CNTN5: variants seen among roughly 807,000 people sequenced by gnomAD.
CNTN5 encodes contactin 5, also known as contactin-5.
In CNTN5, 77 loss-of-function variants were observed where a neutral mutation model predicts 129.1. The ratio of observed to expected loss-of-function variants is 0.60; its 90% CI spans 0.50 to 0.72. The LOEUF (loss-of-function observed/expected upper bound fraction) is 0.72. Ranked by LOEUF, CNTN5 falls within the 30% of genes least tolerant of loss-of-function variation. The probability of loss-of-function intolerance (pLI) is 0.00; values close to 1 mark genes in which losing one functional copy is unlikely to be tolerated. For synonymous variants in CNTN5, 509 were observed against 465.6 expected, an observed-to-expected ratio of 1.09 and a Z score of -1.20; for missense variants, 1,478 against 1,328.8, an observed-to-expected ratio of 1.11 and a Z score of -1.75.
chr11:99,243,347 T>C (rs1196877599), intron 1 of CNTN5, among the ~76,000 whole-genome samples: 1 of 152,118 alleles, frequency 6.6e-6, no homozygotes, highest in Non-Finnish European at 1.5e-5. Flanking sequence ...ACTTATAGGT[T>C]CTGGATATTA....
chr11:99,815,404 G>A (rs1946555038), intron 3 of CNTN5, among the ~76,000 whole-genome samples: 1 of 152,078 alleles, frequency 6.6e-6, no homozygotes, highest in Non-Finnish European at 1.5e-5. Context: ...ATAGAAAAGG[G>A]CTGGGCAGCT....
At chr11:99,306,294 T>C (rs1347916918) in intron 1 of CNTN5, among the ~76,000 whole-genome samples, 1 of 152,168 alleles carries the variant, frequency 6.6e-6, no homozygotes. Context: ...ACTTATCAAA[T>C]AGGAGCTTCA....
rs1356796648 is a variant in CNTN5 at position 100,289,999 on chromosome 11, A to ATTC, written c.2315-7625_2315-7623dup. 5.2e-3 allele frequency among the ~76,000 whole-genome samples: 787 copies of ATTC among 151,108 alleles called. 8 individuals carry two copies. Among genetic ancestry groups the ATTC allele is most frequent in the African/African-American group, 0.018 (738 of 41,112 alleles). ...AGAGCCAAATCATGAGTGAACTCCC[A>ATTC]TTCACAATTGCTTCAAAGAGAATAA... is the stretch of plus-strand genomic sequence containing the variant. On this transcript the variant is annotated intron_variant, in intron 18 of 24. Transcript: ENST00000524871.
At chr11:99,319,434 G>A (rs1865472121) in intron 1 of CNTN5, among the ~76,000 whole-genome samples, 1 of 152,068 alleles carries the variant, frequency 6.6e-6, no homozygotes, top group African/African-American at 2.4e-5. Context: ...TGGGCTGGAT[G>A]CCCTTCCTGT....
At chr11:99,703,607 A>G (rs951558092) in intron 3 of CNTN5, among the ~76,000 whole-genome samples, 3 of 150,930 alleles carry the variant, frequency 2.0e-5, no homozygotes, top group African/African-American at 2.4e-5. Context: ...TAAGAAGTGC[A>G]CCTAAATTTA....
intron 2 of CNTN5, among the ~76,000 whole-genome samples, chr11:99,453,746 A>G (rs1297956317): frequency 6.6e-6 from 1 of 152,162 alleles, no homozygotes; most frequent in African/African-American, 2.4e-5. Context: ...ATGGGAATGT[A>G]TATCTGTTAG....
chr11:100,292,538 C>A (rs577462474), intron 18 of CNTN5, among the ~76,000 whole-genome samples: 1 of 151,918 alleles, frequency 6.6e-6, no homozygotes, highest in Non-Finnish European at 1.5e-5. Context: ...TAGAAAACTC[C>A]GAAACTCAGT....
At chr11:99,597,299 T>A (rs181829467) in intron 3 of CNTN5, among the ~76,000 whole-genome samples, 1 of 152,294 alleles carries the variant, frequency 6.6e-6, no homozygotes, top group East Asian at 1.9e-4. Flanking sequence ...CTACAAGTGA[T>A]TCTATCCCAA....
At chr11:99,445,590 A>T (rs1214323836) in intron 2 of CNTN5, among the ~76,000 whole-genome samples, 1 of 152,116 alleles carries the variant, frequency 6.6e-6, no homozygotes, top group Non-Finnish European at 1.5e-5. Context: ...TTTTTCTTGC[A>T]TTCTTTACAT....
chr11:100,086,773 T>C (rs1025199167), intron 13 of CNTN5, among the ~76,000 whole-genome samples: 4 of 151,570 alleles, frequency 2.6e-5, no homozygotes, highest in Non-Finnish European at 5.9e-5. Flanking sequence ...TGTTTAACTA[T>C]ATCAATACAA....
At chr11:100,190,274 C>A (rs190624615) in intron 13 of CNTN5, among the ~76,000 whole-genome samples, 3 of 152,076 alleles carry the variant, frequency 2.0e-5, no homozygotes, top group African/African-American at 7.2e-5. Context: ...CCACAACAGC[C>A]GTGTCTATTA....
intron 13 of CNTN5, among the ~76,000 whole-genome samples, chr11:100,157,847 A>AT (rs1344457627): frequency 6.3e-5 from 6 of 95,248 alleles, no homozygotes; most frequent in Non-Finnish European, 1.5e-4. Flanking sequence ...TATATAGATA[A>AT]ATAAAAAAAG....
At chr11:100,328,145 G>T (rs138462200) in intron 21 of CNTN5, among the ~76,000 whole-genome samples, 24 of 152,046 alleles carry the variant, frequency 1.6e-4, no homozygotes, top group Middle Eastern at 3.4e-3. Flanking sequence ...AAGGCCAGGA[G>T]TCCTAGACCA....
chr11:99,945,986 T>A (rs1199355785), intron 7 of CNTN5, among the ~76,000 whole-genome samples: 2 of 152,146 alleles, frequency 1.3e-5, no homozygotes, highest in African/African-American at 4.8e-5. Context: ...TTTCTTACCC[T>A]GTTCGTTGTT....
At chr11:99,531,524 A>C (rs1224502853) in intron 2 of CNTN5, among the ~76,000 whole-genome samples, 1 of 152,198 alleles carries the variant, frequency 6.6e-6, no homozygotes, top group East Asian at 1.9e-4. Flanking sequence ...CATGAGGAAA[A>C]TATCTCCAGG....
At chr11:99,320,870 A>T (rs542649308) in intron 1 of CNTN5, among the ~76,000 whole-genome samples, 1 of 152,006 alleles carries the variant, frequency 6.6e-6, no homozygotes, top group African/African-American at 2.4e-5. Flanking sequence ...TGAGGTGAAA[A>T]TTTCAGTCAG....
chr11:99,465,937 A>G (rs1451761615), intron 2 of CNTN5, among the ~76,000 whole-genome samples: 1 of 139,040 alleles, frequency 7.2e-6, no homozygotes, highest in African/African-American at 2.7e-5. Context: ...GCTGGAGTGC[A>G]GTGGTGCGAT....
intron 1 of CNTN5, among the ~76,000 whole-genome samples, chr11:99,310,372 G>T (rs949941240): frequency 6.6e-6 from 1 of 151,904 alleles, no homozygotes. Context: ...ATTTATAATA[G>T]TATTATTTAA....
At chr11:100,234,639 G>C (rs1949569032) in intron 16 of CNTN5, among the ~76,000 whole-genome samples, 1 of 150,962 alleles carries the variant, frequency 6.6e-6, no homozygotes, top group Non-Finnish European at 1.5e-5. Context: ...ATCAGGGCCT[G>C]CCAGCAGGGT....
Sources: gnomAD v4.1 joint callset for allele counts (sites outside exome capture counted in the v4.1 genomes callset) on GRCh38, gnomAD v4.1.1 for gene constraint, MANE v1.5 for transcripts, NCBI Gene and HGNC (gene_info 2026-07-23, HGNC 2026-07-21) for gene names.